Variants in SCN4A observed in about 807,000 individuals in gnomAD.
The protein encoded by SCN4A is sodium channel protein type 4 subunit alpha.
SCN4A carries 83 observed loss-of-function variants against 162.0 expected under a neutral mutation model. That is an observed-to-expected ratio of 0.51 (90% confidence interval 0.43 to 0.61). SCN4A has a LOEUF of 0.61. SCN4A is among the 20% of genes least tolerant of loss of function. SCN4A has a pLI of 0.00. For missense variants in SCN4A, 2,196 were observed against 2,462.5 expected, an observed-to-expected ratio of 0.89 and a Z score of 2.29; for synonymous variants, 944 against 985.1, an observed-to-expected ratio of 0.96 and a Z score of 0.78.
intron 7 of SCN4A, 29 bp downstream of exon 7, chr17:63,966,452 C>A (rs763506693): frequency 1.4e-5 from 23 of 1,604,804 alleles, no homozygotes; most frequent in Non-Finnish European, 1.7e-5. Context: ...CCCTGGGGTG[C>A]CTTTTCTGCA....
intron 18 of SCN4A, among the ~76,000 whole-genome samples, chr17:63,946,474 A>G (rs3785566): frequency 3.9e-5 from 3 of 77,040 alleles, no homozygotes; most frequent in Non-Finnish European, 7.3e-5. Context: ...CCCCCCCCCC[A>G]CCCCGCCGCA....
chr17:63,970,570 C>G (rs1260804452), intron 5 of SCN4A, among the ~76,000 whole-genome samples: 3 of 151,976 alleles, frequency 2.0e-5, no homozygotes, highest in African/African-American at 4.8e-5. Flanking sequence ...CTCAAACTAT[C>G]CTCCCGCCTT....
Position 63,961,416 on chromosome 17 carries a change from T to C in SCN4A, c.1622A>G (p.His541Arg). Residue 541 changes from histidine to arginine, a missense_variant, in exon 11 of 24, where the codon CAC becomes CGC. Transcript: ENST00000435607. ...GTACCACCATGGTGGGCACTTTTGGTGGGCCTCTTCCAGTTCTGGGAGAGG... is the reference window on the plus strand; with the variant it reads ...GTACCACCATGGTGGGCACTTTTGGCGGGCCTCTTCCAGTTCTGGGAGAGG... ...SDAMEELEEA[H>R]QKCPPWWYKC... 1 of 1,613,236 alleles carries C rather than the reference T, an allele frequency of 6.2e-7. No homozygotes were observed. Among genetic ancestry groups the C allele is most frequent in the Non-Finnish European group, 8.5e-7 (1 of 1,179,340 alleles).
chr17:63,947,440 CATCT>C (rs1264531737), intron 17 of SCN4A, among the ~76,000 whole-genome samples: 1 of 152,174 alleles, frequency 6.6e-6, no homozygotes, highest in Non-Finnish European at 1.5e-5. Flanking sequence ...CCTGTGAGCC[CATCT>C]AAGAGGCTAA....
rs766365683 is a variant in SCN4A, at chr17:63,941,156, T to C, written c.5126A>G (p.Asn1709Ser). The change falls in exon 24 of 24, where the codon AAC (asparagine) becomes AGC (serine). Residue 1709 changes from asparagine (N) to serine (S), a missense_variant. Asn to Ser is a conservative substitution (Grantham distance 46, BLOSUM62 1). Transcript: ENST00000435607. This position sits in a 1 kb window ranked among gnomAD's most constrained non-coding sequence, Gnocchi z 6.2. The stretch of plus-strand genomic sequence containing the variant: ...GGGCTCGTAGGACACCTTGGAGGGG[T>C]TGGCTGCCATGAACTTCTCCTCCAT... Reference protein sequence around the residue: ...QTMEEKFMAANPSKVSYEPIT... With the variant: ...QTMEEKFMAASPSKVSYEPIT... The C allele has an allele frequency of 1.9e-5, 30 of 1,613,460 alleles. No homozygotes were observed. In the Admixed American group the frequency reaches 3.5e-4, roughly 19 times the overall value.
Position 63,957,156 on chromosome 17 carries a change from A to C in SCN4A, c.2376+6T>G. ...GGGCAGGGGCCACCCAGCCAGCCTC[A>C]CTCACCACAAGATTGCCGATGACCA... On this transcript the variant is annotated splice_donor_region_variant and intron_variant, in intron 13 of 23. Transcript: ENST00000435607. The C allele has an allele frequency of 6.4e-7, 1 of 1,558,460 alleles. No individual in the cohort carries two copies. Among genetic ancestry groups the C allele is most frequent in the Non-Finnish European group, 8.7e-7 (1 of 1,145,252 alleles).
chr17:63,966,075 TGGGGGGCAGGGTG>T lies in SCN4A; in HGVS notation c.1242+14_1242+26del. ...GATGGAGGGGGAGTGGCTGTAGGGT[TGGGGGGCAGGGTG>T]GGGGCAGCTGTACCAGCTGGAAGAG... is the stretch of plus-strand genomic sequence containing the variant. On this transcript the variant is annotated intron_variant, in intron 8 of 23. Transcript: ENST00000435607. 8.3e-7 allele frequency: 1 copy of T among 1,210,750 alleles called. No homozygotes were observed. The highest frequency in any genetic ancestry group is 1.1e-6 in the Non-Finnish European group (1 of 932,538). 75.0% of individuals were successfully genotyped at this position (1,210,750 alleles called of 1,614,324 possible).
chr17:63,959,236 C>G, intron 12 of SCN4A, 29 bp downstream of exon 12: 1 of 1,591,264 alleles, frequency 6.3e-7, no homozygotes, highest in Non-Finnish European at 8.6e-7. Context: ...ACCCCCATCC[C>G]AGCCCCTGGC....
At chr17:63,947,232 A>C (rs1291823153) in intron 17 of SCN4A, 65 bp from the exon 18 acceptor site, 27 of 1,598,616 alleles carry the variant, frequency 1.7e-5, no homozygotes, top group Non-Finnish European at 2.2e-5. Flanking sequence ...AGCCCAGGCC[A>C]CGGGGGTCTT....
At chr17:63,943,918 C>T in intron 21 of SCN4A, 68 bp from the exon 22 acceptor site, 1 of 955,240 alleles carries the variant, frequency 1.0e-6, no homozygotes, top group Non-Finnish European at 1.7e-6. Flanking sequence ...CCACCCCCAC[C>T]TCAGTGGGGC....
chr17:63,960,279 G>A (rs578195798), intron 11 of SCN4A, among the ~76,000 whole-genome samples: 5 of 152,352 alleles, frequency 3.3e-5, no homozygotes, highest in East Asian at 1.9e-4. Flanking sequence ...GGTCCATCAC[G>A]CACATCCCAG....
Position 63,941,396 on chromosome 17 carries a change from G to A in SCN4A, c.4886C>T (p.Pro1629Leu), listed in dbSNP as rs202102815. Residue 1629 changes from proline (P) to leucine (L), a missense_variant, in exon 24 of 24, where the codon CCC (proline) becomes CTC (leucine). Coordinates refer to ENST00000435607, the MANE Select transcript of SCN4A (RefSeq NM_000334.4). The surrounding 1 kb of genome is among the most constrained non-coding windows in gnomAD (Gnocchi z 6.2). ...GTAGGCGATGAACTGGGTGGCGTCG[G>A]GGTCGAACTTCTCCCATGTCTCGTA... ...MFYETWEKFD[P>L]DATQFIAYSR... is the part of the protein sequence containing the mutation. 117 of 1,613,766 alleles carry A rather than the reference G, an allele frequency of 7.3e-5. No individual in the cohort carries two copies. The highest frequency in any genetic ancestry group is 1.2e-5 in the Non-Finnish European group (14 of 1,179,900).
intron 8 of SCN4A, 49 bp downstream of exon 8, chr17:63,966,052 TG>T (rs1390190053): frequency 2.4e-6 from 3 of 1,257,504 alleles, no homozygotes; most frequent in Non-Finnish European, 3.2e-6. Flanking sequence ...GCTGCAGGGA[TG>T]GAGGGGGAGT....
At chr17:63,954,757 C>A (rs1314929343) in intron 13 of SCN4A, among the ~76,000 whole-genome samples, 1 of 152,154 alleles carries the variant, frequency 6.6e-6, no homozygotes, top group Non-Finnish European at 1.5e-5. Flanking sequence ...CCGTTCCACT[C>A]CCTCTGAGCA....
rs745847406 is a variant in SCN4A, at chr17:63,943,652, T to C, written c.4017+94A>G. Reference sequence around the variant, plus strand: ...CCTAACCTCACCCAGGGACACAGCCTGGTGGGTGGAAGGCAGGAAACCTTT... The same window carrying C: ...CCTAACCTCACCCAGGGACACAGCCCGGTGGGTGGAAGGCAGGAAACCTTT... On this transcript the variant is annotated intron_variant, in intron 22 of 23. Transcript: ENST00000435607. The C allele has an allele frequency of 1.4e-4, 111 of 772,598 alleles. 1 individual carries two copies. Among genetic ancestry groups the C allele is most frequent in the Middle Eastern group, 7.5e-4 (2 of 2,662 alleles). 47.9% of individuals were successfully genotyped at this position (772,598 alleles called of 1,614,324 possible).
chr17:63,954,657 T>C (rs1467614406), intron 13 of SCN4A, among the ~76,000 whole-genome samples: 1 of 152,134 alleles, frequency 6.6e-6, no homozygotes, highest in African/African-American at 2.4e-5. Flanking sequence ...GGTGCCCTGG[T>C]GGCCTCTGGC....
chr17:63,968,385 A>G, intron 5 of SCN4A, 30 bp from the exon 6 acceptor site: 1 of 1,557,632 alleles, frequency 6.4e-7, no homozygotes, highest in South Asian at 1.2e-5. Context: ...GGATATTGGC[A>G]GGGGGCAGGG....
chr17:63,940,826 G>C lies in SCN4A; in HGVS notation c.5456C>G (p.Pro1819Arg). The C allele has an allele frequency of 1.9e-6, 3 of 1,605,510 alleles. No individual in the cohort carries two copies. The highest frequency in any genetic ancestry group is 2.6e-6 in the Non-Finnish European group (3 of 1,174,322). The change falls in exon 24 of 24, where the codon CCC becomes CGC. Residue 1819 changes from proline to arginine, a missense_variant. Coordinates refer to ENST00000435607, the MANE Select transcript of SCN4A (RefSeq NM_000334.4). ...PISPSDTAWP[P>R]APPPGQTVRP... ...CACAGTCTGCCCTGGGGGAGGGGCG[G>C]GAGGCCAGGCAGTGTCTGAGGGGCT...
Position 63,940,837 on chromosome 17 carries a change from A to G in SCN4A, c.5445T>C (p.Thr1815=). The change falls in exon 24 of 24, where the codon ACT becomes ACC. Residue 1815 remains threonine (T), a synonymous_variant. Transcript: ENST00000435607. ...CTGGGGGAGGGGCGGGAGGCCAGGCAGTGTCTGAGGGGCTGATGGGCATCA... is the reference window on the plus strand; with the variant it reads ...CTGGGGGAGGGGCGGGAGGCCAGGCGGTGTCTGAGGGGCTGATGGGCATCA... ...MGLMPISPSD[T]AWPPAPPPGQ... 1 of 1,609,206 alleles carries G rather than the reference A, an allele frequency of 6.2e-7. No homozygotes were observed. The highest frequency in any genetic ancestry group is 1.1e-5 in the South Asian group (1 of 90,928).
Sources: gnomAD v4.1 joint callset for allele counts (sites outside exome capture counted in the v4.1 genomes callset) on GRCh38, gnomAD v4.1.1 for gene constraint, Gnocchi (gnomAD v3.1) non-coding constraint, MANE v1.5 for transcripts, NCBI Gene and HGNC (gene_info 2026-07-23, HGNC 2026-07-21) for gene names.